TLR1: variants seen among roughly 807,000 people sequenced by gnomAD.
TLR1 encodes the protein toll like receptor 1.
TLR1 carries 19 observed loss-of-function variants against 20.2 expected under a neutral mutation model. That is an observed-to-expected ratio of 0.94 (90% CI 0.66 to 1.38). The LOEUF is 1.38. Ranked by LOEUF, TLR1 falls within the 40% of genes most tolerant of loss-of-function variation. TLR1 has a pLI of 0.00. For missense variants in TLR1, 921 were observed against 910.0 expected, an observed-to-expected ratio of 1.01 and a Z score of -0.16; for synonymous variants, 320 against 334.5, an observed-to-expected ratio of 0.96 and a Z score of 0.47.
At chr4:38,791,626 T>A (rs952882310), downstream of TLR1, among the ~76,000 whole-genome samples, 3 of 152,204 alleles carry the variant, frequency 2.0e-5, no homozygotes, top group African/African-American at 7.2e-5. Context: ...TTTTATTTCA[T>A]CTTAGAAAGC....
In TLR1 at chr4:38,797,126, T is replaced by C; in HGVS notation, c.1706A>G (p.Asp569Gly). The stretch of plus-strand genomic sequence containing the variant: ...GCAGGATAATTCAGACATGTGAAAG[T>C]CCTTTAGTAGGGTTCCTCTATAACT... ...PESYRGTLLK[D>G]FHMSELSCNI... Residue 569 changes from aspartate to glycine, a missense_variant, in exon 4 of 4, where the codon GAC (aspartate) becomes GGC (glycine). Physicochemically the swap from Asp to Gly is moderately conservative, Grantham distance 94. Transcript: ENST00000308979. 6.2e-7 allele frequency: 1 copy of C among 1,614,238 alleles called. No homozygotes were observed. Among genetic ancestry groups the C allele is most frequent in the Non-Finnish European group, 8.5e-7 (1 of 1,180,048 alleles).
At chr4:38,792,853 T>TTTTATATA (rs150259151), downstream of TLR1, among the ~76,000 whole-genome samples, 214 of 122,250 alleles carry the variant, frequency 1.8e-3, 5 homozygotes, top group African/African-American at 6.0e-3. Context: ...TATTTTCAAA[T>TTTTATATA]TATATATATA....
downstream of TLR1, among the ~76,000 whole-genome samples, chr4:38,794,139 T>C (rs1159883076): frequency 6.6e-6 from 1 of 152,202 alleles, no homozygotes; most frequent in Non-Finnish European, 1.5e-5. Flanking sequence ...TAGACTTTGT[T>C]AAAATAGACC....
chr4:38,803,704 T>A (rs1262374713), intron 2 of TLR1, among the ~76,000 whole-genome samples: 1 of 152,240 alleles, frequency 6.6e-6, no homozygotes, highest in East Asian at 1.9e-4. Context: ...AAGAATTTTT[T>A]GATCAACGTC....
chr4:38,798,435 T>G lies in TLR1; in HGVS notation c.397A>C (p.Lys133Gln). 4 of 1,613,766 alleles carry G rather than the reference T, an allele frequency of 2.5e-6. No homozygotes were observed. Among genetic ancestry groups the G allele is most frequent in the Non-Finnish European group, 2.5e-6 (3 of 1,179,706 alleles). Residue 133 changes from lysine to glutamine, a missense_variant, in exon 4 of 4, where the codon AAA becomes CAA. Physicochemically the swap from Lys to Gln is moderately conservative, Grantham distance 53. Coordinates refer to ENST00000308979, the MANE Select transcript of TLR1 (RefSeq NM_003263.4). ...AGTTGAGACATATTGCCAAACTCTT[T>G]GCATATAGGCAGGGCATCAAATGCA... is the stretch of plus-strand genomic sequence containing the variant. ...FNAFDALPIC[K>Q]EFGNMSQLKF...
chr4:38,800,862 T>C lies in TLR1; in HGVS notation c.-73A>G, dbSNP rs1726589903. ...GGAGCCTTCCTTGGACTTACCCTTTTGTAGGGGTGCCCAATATGCCTTTGT... is the reference window on the plus strand; with the variant it reads ...GGAGCCTTCCTTGGACTTACCCTTTCGTAGGGGTGCCCAATATGCCTTTGT... On this transcript the variant is annotated 5_prime_UTR_variant, in exon 3 of 4. Transcript: ENST00000308979. 3.3e-5 allele frequency: 5 copies of C among 152,628 alleles called. No individual in the cohort carries two copies. The highest frequency in any genetic ancestry group is 3.3e-4 in the Admixed American group (5 of 15,280). 9.5% of individuals were successfully genotyped at this position (152,628 alleles called of 1,614,324 possible).
chr4:38,796,514 C>T lies in TLR1; in HGVS notation c.2318G>A (p.Arg773Lys), dbSNP rs1726064011. 2 of 1,613,748 alleles carry T rather than the reference C, an allele frequency of 1.2e-6. No homozygotes were observed. The highest frequency in any genetic ancestry group is 1.7e-4 in the Middle Eastern group (1 of 6,060). ...SKRGLFWANL[R>K]AAINIKLTEQ... Reference sequence around the variant, plus strand: ...TGTCAGCTTAATATTAATGGCTGCCCTTAAGTTAGCCCAAAAAAGGCCACG... The same window carrying T: ...TGTCAGCTTAATATTAATGGCTGCCTTTAAGTTAGCCCAAAAAAGGCCACG... The change falls in exon 4 of 4, where the codon AGG (arginine) becomes AAG (lysine). Residue 773 changes from arginine (R) to lysine (K), a missense_variant. Physicochemically the swap from Arg to Lys is conservative, Grantham distance 26 (BLOSUM62 2). Coordinates refer to ENST00000308979, the MANE Select transcript of TLR1 (RefSeq NM_003263.4).
In TLR1 at chr4:38,796,810, A is replaced by G. The variant is rs1158715303; in HGVS notation, c.2022T>C (p.Val674=). ...TATTTTCCACAATGCTCTTGCCAGG[A>G]ACAAAGTTTCTCTCATGAAGGCAAA... ...MQICLHERNF[V]PGKSIVENII... The change falls in exon 4 of 4, where the codon GTT becomes GTC. Residue 674 remains valine, a synonymous_variant. Coordinates refer to ENST00000308979, the MANE Select transcript of TLR1 (RefSeq NM_003263.4). The G allele has an allele frequency of 6.2e-6, 10 of 1,614,146 alleles. No individual in the cohort carries two copies. The highest frequency in any genetic ancestry group is 5.0e-5 in the Admixed American group (3 of 60,008).
At chr4:38,796,236 A>T (rs1726041538), downstream of TLR1, 1 of 505,616 alleles carries the variant, frequency 2.0e-6, no homozygotes, top group South Asian at 2.9e-5. Context: ...CAGTTATAGC[A>T]AAGAAACAAG....
intron 2 of TLR1, among the ~76,000 whole-genome samples, chr4:38,803,210 G>A (rs1340008850): frequency 3.9e-5 from 6 of 152,124 alleles, no homozygotes; most frequent in Admixed American, 3.9e-4. Flanking sequence ...CCTGCCTACG[G>A]CCCCCTGAGT....
chr4:38,795,691 C>G (rs1725998594), downstream of TLR1, among the ~76,000 whole-genome samples: 1 of 152,106 alleles, frequency 6.6e-6, no homozygotes, highest in Non-Finnish European at 1.5e-5. Context: ...TAGTTTATCA[C>G]AGAGGTGATC....
downstream of TLR1, among the ~76,000 whole-genome samples, chr4:38,795,034 A>T (rs778386737): frequency 5.9e-5 from 9 of 152,198 alleles, no homozygotes; most frequent in Non-Finnish European, 1.2e-4. Context: ...GTCAATGCAA[A>T]ACCAAGTTAC....
chr4:38,791,948 C>T (rs1023712711), downstream of TLR1, among the ~76,000 whole-genome samples: 3 of 152,134 alleles, frequency 2.0e-5, no homozygotes, highest in Admixed American at 6.6e-5. Flanking sequence ...GGTGGAGGTC[C>T]GAGATGCTTC....
downstream of TLR1, among the ~76,000 whole-genome samples, chr4:38,792,667 A>C (rs905207847): frequency 5.3e-5 from 8 of 152,076 alleles, no homozygotes; most frequent in Non-Finnish European, 1.2e-4. Context: ...AAATGGTTGT[A>C]CAATATGTCA....
At chr4:38,790,874 G>A (rs560252905) in exon 4 of TLR1, 3 of 152,306 alleles carry the variant, frequency 2.0e-5, no homozygotes, top group Admixed American at 6.5e-5. Flanking sequence ...GTAACTTCAA[G>A]TTGTCTTAGA....
At chr4:38,794,208 A>C (rs1725883886), downstream of TLR1, among the ~76,000 whole-genome samples, 1 of 152,246 alleles carries the variant, frequency 6.6e-6, no homozygotes, top group Non-Finnish European at 1.5e-5. Context: ...GAAATCTTGA[A>C]GTTCAATACA....
At chr4:38,790,458 T>TGA (rs1303722474), downstream of TLR1, among the ~76,000 whole-genome samples, 1 of 152,226 alleles carries the variant, frequency 6.6e-6, no homozygotes, top group African/African-American at 2.4e-5. Flanking sequence ...TTCTGATTTC[T>TGA]GATTCTTTGT....
chr4:38,788,535 T>C (rs1725652959), downstream of TLR1, among the ~76,000 whole-genome samples: 1 of 152,196 alleles, frequency 6.6e-6, no homozygotes, highest in Non-Finnish European at 1.5e-5. Flanking sequence ...TTGCACTGAA[T>C]ATGAACAATT....
chr4:38,796,771 A>G lies in TLR1; in HGVS notation c.2061T>C (p.Ile687=). ...KSIVENIITC[I]EKSYKSIFVL... ...CAAAGATGGACTTGTAACTCTTCTC[A>G]ATGCAGGTGATGATATTTTCCACAA... is the stretch of plus-strand genomic sequence containing the variant. Residue 687 remains isoleucine, a synonymous_variant, in exon 4 of 4, where the codon ATT becomes ATC. Transcript: ENST00000308979. The G allele has an allele frequency of 6.2e-7, 1 of 1,614,216 alleles. No individual in the cohort carries two copies. Among genetic ancestry groups the G allele is most frequent in the South Asian group, 1.1e-5 (1 of 91,088 alleles).
Sources: gnomAD v4.1 joint callset for allele counts (sites outside exome capture counted in the v4.1 genomes callset) on GRCh38, gnomAD v4.1.1 for gene constraint, MANE v1.5 for transcripts, NCBI Gene and HGNC (gene_info 2026-07-23, HGNC 2026-07-21) for gene names.